The following PTPN11 variants were observed in gnomAD, a reference collection of about 807,000 sequenced individuals.
PTPN11 encodes tyrosine-protein phosphatase non-receptor type 11.
Under a neutral mutation model 78.8 loss-of-function variants are expected in PTPN11, and 6 were observed. The ratio of observed to expected loss-of-function variants is 0.08; its 90% CI spans 0.04 to 0.15. The LOEUF (loss-of-function observed/expected upper bound fraction) is 0.15, where lower values mean the gene tolerates loss of function less well. Ranked by LOEUF, PTPN11 falls within the 10% of genes least tolerant of loss-of-function variation. The pLI is 1.00. For synonymous variants in PTPN11, 221 were observed against 263.5 expected, an observed-to-expected ratio of 0.84 and a Z score of 1.56; for missense variants, 386 against 744.8, an observed-to-expected ratio of 0.52 and a Z score of 5.61.
At chr12:112,429,956 A>T (rs868821658) in intron 1 of PTPN11, among the ~76,000 whole-genome samples, 2 of 152,244 alleles carry the variant, frequency 1.3e-5, no homozygotes, top group Non-Finnish European at 2.9e-5. Flanking sequence ...GGCATGTGGC[A>T]AACATTCAGT....
intron 7 of PTPN11, among the ~76,000 whole-genome samples, chr12:112,476,872 T>C (rs1396400924): frequency 6.6e-6 from 1 of 152,170 alleles, no homozygotes; most frequent in African/African-American, 2.4e-5. Flanking sequence ...CATGTACCCA[T>C]CACCCAGCTT....
intron 13 of PTPN11, among the ~76,000 whole-genome samples, chr12:112,497,171 CAA>C (rs59581934): frequency 0.019 from 1,371 of 73,532 alleles, 13 homozygotes; most frequent in African/African-American, 0.054. Context: ...GACTCTGTCT[CAA>C]AAAAAAAAAA....
chr12:112,440,509 C>T (rs1450273137), intron 1 of PTPN11, among the ~76,000 whole-genome samples: 5 of 150,488 alleles, frequency 3.3e-5, no homozygotes, highest in Admixed American at 1.3e-4. Context: ...CGTGATCCGC[C>T]TGCCTCGGCC....
intron 9 of PTPN11, among the ~76,000 whole-genome samples, chr12:112,480,510 C>T (rs1372459654): frequency 6.6e-6 from 1 of 151,648 alleles, no homozygotes; most frequent in Non-Finnish European, 1.5e-5. Flanking sequence ...GGATTACAGG[C>T]GTGTGCCACT....
intron 9 of PTPN11, among the ~76,000 whole-genome samples, chr12:112,480,649 T>C (rs1214886691): frequency 6.6e-6 from 1 of 152,328 alleles, no homozygotes; most frequent in Non-Finnish European, 1.5e-5. Context: ...CGTGAGCCAC[T>C]GCGCCCAACC....
chr12:112,495,935 C>G (rs1189608333), intron 13 of PTPN11, among the ~76,000 whole-genome samples: 1 of 152,056 alleles, frequency 6.6e-6, no homozygotes, highest in Admixed American at 6.6e-5. Flanking sequence ...ACTGCCTGTA[C>G]TTTTTTCCTC....
chr12:112,462,885 G>A (rs181772878), intron 6 of PTPN11, among the ~76,000 whole-genome samples: 11 of 152,222 alleles, frequency 7.2e-5, no homozygotes, highest in Admixed American at 7.2e-4. Flanking sequence ...ATAGCCTTGT[G>A]TATGCATCCT....
chr12:112,419,813 A>C (rs939349952), intron 1 of PTPN11, among the ~76,000 whole-genome samples: 1 of 152,162 alleles, frequency 6.6e-6, no homozygotes, highest in African/African-American at 2.4e-5. Flanking sequence ...AGGTCACTTT[A>C]CTGGTACCCG....
intron 7 of PTPN11, among the ~76,000 whole-genome samples, chr12:112,474,639 G>A (rs7312446): frequency 1.3e-5 from 2 of 151,636 alleles, no homozygotes; most frequent in African/African-American, 4.8e-5. Context: ...TTTTGAGATA[G>A]GGTCTTACTC....
chr12:112,498,567 T>G (rs2135925865), intron 13 of PTPN11, among the ~76,000 whole-genome samples: 1 of 152,254 alleles, frequency 6.6e-6, no homozygotes, highest in African/African-American at 2.4e-5. Flanking sequence ...GATTTTGGAG[T>G]CTTGTGATCA....
intron 1 of PTPN11, 63 bp downstream of exon 1, chr12:112,419,188 C>T (rs2037476493): frequency 7.1e-7 from 1 of 1,405,850 alleles, no homozygotes; most frequent in South Asian, 1.5e-5. Context: ...TCGGTTAGCC[C>T]CGTCCGGAAG....
At chr12:112,443,130 A>G (rs1484793563) in intron 1 of PTPN11, among the ~76,000 whole-genome samples, 1 of 151,604 alleles carries the variant, frequency 6.6e-6, no homozygotes, top group Non-Finnish European at 1.5e-5. Context: ...AATGTATATT[A>G]TAACAAGACT....
rs1186263061 is a variant in PTPN11, at chr12:112,443,675, C to T, written c.15-2601C>T. 4.1e-5 allele frequency among the ~76,000 whole-genome samples: 5 copies of T among 123,060 alleles called. No homozygotes were observed. The Admixed American group carries it at 4.5e-4, about 11-fold the overall frequency. 80.7% of individuals were successfully genotyped at this position (123,060 alleles called of 152,430 possible). On this transcript the variant is annotated intron_variant, in intron 1 of 15. Transcript: ENST00000351677. Reference sequence around the variant, plus strand: ...GGTCTTTTTTTTTTTTTTTTTGAGACAGGGTCTTATTCTGTTGCCTGGCCT... The same window carrying T: ...GGTCTTTTTTTTTTTTTTTTTGAGATAGGGTCTTATTCTGTTGCCTGGCCT...
chr12:112,459,230 C>G (rs2038210157), intron 6 of PTPN11, among the ~76,000 whole-genome samples: 1 of 152,078 alleles, frequency 6.6e-6, no homozygotes, highest in South Asian at 2.1e-4. Flanking sequence ...GTTTTAGAAA[C>G]CGCTCATCAA....
At chr12:112,498,771 A>G (rs1314830864) in intron 13 of PTPN11, among the ~76,000 whole-genome samples, 1 of 152,220 alleles carries the variant, frequency 6.6e-6, no homozygotes, top group Non-Finnish European at 1.5e-5. Context: ...AACAATCCCT[A>G]TTCCCTGAGC....
At chr12:112,419,268 C>G (rs994710837) in intron 1 of PTPN11, 143 bp downstream of exon 1, 30 of 829,356 alleles carry the variant, frequency 3.6e-5, no homozygotes, top group Non-Finnish European at 4.9e-5. Flanking sequence ...TCCTCGTCCC[C>G]TCGCCCTCCA....
chr12:112,429,962 TC>T (rs1450864234), intron 1 of PTPN11, among the ~76,000 whole-genome samples: 3 of 152,212 alleles, frequency 2.0e-5, no homozygotes, highest in African/African-American at 7.2e-5. Flanking sequence ...TGGCAAACAT[TC>T]AGTAAGTATA....
chr12:112,443,921 T>G (rs1399114264), intron 1 of PTPN11, among the ~76,000 whole-genome samples: 1 of 152,106 alleles, frequency 6.6e-6, no homozygotes, highest in Non-Finnish European at 1.5e-5. Context: ...CCCAAAATGC[T>G]AGGATTACAG....
At chr12:112,459,639 G>A (rs1448535519) in intron 6 of PTPN11, among the ~76,000 whole-genome samples, 1 of 151,658 alleles carries the variant, frequency 6.6e-6, no homozygotes, top group East Asian at 1.9e-4. Context: ...GCTAATTTTT[G>A]TATTTTTAGT....
Sources: gnomAD v4.1 joint callset for allele counts (sites outside exome capture counted in the v4.1 genomes callset) on GRCh38, gnomAD v4.1.1 for gene constraint, MANE v1.5 for transcripts, NCBI Gene and HGNC (gene_info 2026-07-23, HGNC 2026-07-21) for gene names.